Variants in PTDSS1 observed in about 807,000 individuals in gnomAD.
PTDSS1 encodes the protein phosphatidylserine synthase 1, also known as PSS-1.
A neutral mutation model predicts 70.5 loss-of-function variants in PTDSS1; 45 were observed. The ratio of observed to expected loss-of-function variants is 0.64; its 90% CI spans 0.50 to 0.82. PTDSS1 has a LOEUF of 0.82. PTDSS1 is among the 40% of genes least tolerant of loss of function. The pLI is 0.00. For synonymous variants in PTDSS1, 188 were observed against 203.8 expected, an observed-to-expected ratio of 0.92 and a Z score of 0.66; for missense variants, 417 against 586.1, an observed-to-expected ratio of 0.71 and a Z score of 2.98.
intron 2 of PTDSS1, among the ~76,000 whole-genome samples, chr8:96,276,980 G>GCGCACACACACA (rs1160844973): frequency 1.4e-5 from 2 of 145,906 alleles, no homozygotes; most frequent in Admixed American, 6.7e-5. Flanking sequence ...GCACGCGCGC[G>GCGCACACACACA]CACACACACA....
chr8:96,271,098 G>C (rs1391786349), intron 1 of PTDSS1, among the ~76,000 whole-genome samples: 1 of 152,144 alleles, frequency 6.6e-6, no homozygotes, highest in Middle Eastern at 3.2e-3. Context: ...TGAAGTCCAA[G>C]ATACATCAAA....
intron 10 of PTDSS1, among the ~76,000 whole-genome samples, chr8:96,326,068 G>C (rs7837387): frequency 0.39 from 59,383 of 152,000 alleles, 12,472 homozygotes; most frequent in East Asian, 0.6. Context: ...CATAGTGGGA[G>C]CATTCCATCA....
intron 9 of PTDSS1, among the ~76,000 whole-genome samples, chr8:96,316,651 A>C (rs893306500): frequency 6.6e-6 from 1 of 152,130 alleles, no homozygotes; most frequent in Non-Finnish European, 1.5e-5. Flanking sequence ...ATTCCTACAC[A>C]TGTACCCCCT....
intron 1 of PTDSS1, among the ~76,000 whole-genome samples, chr8:96,269,508 C>T (rs948257100): frequency 1.3e-5 from 2 of 152,136 alleles, no homozygotes; most frequent in East Asian, 1.9e-4. Flanking sequence ...TTGCTGTGAA[C>T]AAGCAACATG....
At chr8:96,271,245 A>G (rs997020980) in intron 1 of PTDSS1, among the ~76,000 whole-genome samples, 3 of 152,242 alleles carry the variant, frequency 2.0e-5, no homozygotes, top group Non-Finnish European at 4.4e-5. Flanking sequence ...ATTATAAGCT[A>G]CATACCCATA....
chr8:96,317,907 G>A (rs545440872), intron 9 of PTDSS1, among the ~76,000 whole-genome samples: 52 of 85,206 alleles, frequency 6.1e-4, no homozygotes, highest in African/African-American at 2.1e-3. Flanking sequence ...GTGTGTGTGT[G>A]TGTGTGTGTG....
At position 96,335,319 on chromosome 8, in the gene PTDSS1, T is replaced by C. The variant is rs544305193; in HGVS notation, c.*1753T>C. 6 of 152,354 alleles carry C rather than the reference T, an allele frequency of 3.9e-5. No homozygotes were observed. The East Asian group carries it at 7.7e-4, about 20-fold the overall frequency. 9.4% of individuals were successfully genotyped at this position (152,354 alleles called of 1,614,324 possible). A position where few individuals can be genotyped will look rare whatever the true frequency, so the allele number is the denominator to read the frequency against. On this transcript the variant is annotated 3_prime_UTR_variant, in exon 13 of 13. Transcript: ENST00000517309. ...TCTTTGCAAATAAATATGTTTTGTT[T>C]CATCCTGTGTTCTGCTTTTCTAAGC... is the stretch of plus-strand genomic sequence containing the variant.
chr8:96,290,033 A>G (rs1290104472), intron 4 of PTDSS1, among the ~76,000 whole-genome samples: 1 of 152,152 alleles, frequency 6.6e-6, no homozygotes, highest in Admixed American at 6.5e-5. Context: ...TTTATATTCT[A>G]CATAAGCCTC....
chr8:96,315,626 G>T (rs1456929829), intron 9 of PTDSS1, among the ~76,000 whole-genome samples: 1 of 152,124 alleles, frequency 6.6e-6, no homozygotes, highest in African/African-American at 2.4e-5. Context: ...CCACAAGTCG[G>T]GGGTGCTGGG....
chr8:96,316,618 TG>T (rs1364661086), intron 9 of PTDSS1, among the ~76,000 whole-genome samples: 1 of 152,148 alleles, frequency 6.6e-6, no homozygotes, highest in Non-Finnish European at 1.5e-5. Flanking sequence ...GCTCACTACC[TG>T]GGTCCAATAT....
At chr8:96,289,091 C>T (rs932157371) in intron 4 of PTDSS1, among the ~76,000 whole-genome samples, 5 of 151,862 alleles carry the variant, frequency 3.3e-5, no homozygotes, top group African/African-American at 4.8e-5. Context: ...CCTGCCACTA[C>T]GCCTGGCTAA....
At chr8:96,329,883 A>C (rs1223950413) in intron 10 of PTDSS1, among the ~76,000 whole-genome samples, 1 of 152,200 alleles carries the variant, frequency 6.6e-6, no homozygotes, top group Non-Finnish European at 1.5e-5. Context: ...CAGAACTAGA[A>C]CATAGAATCC....
Position 96,335,240 on chromosome 8 carries a change from A to G in PTDSS1, c.*1674A>G, listed in dbSNP as rs746866904. 9.2e-5 allele frequency: 14 copies of G among 152,360 alleles called. No individual in the cohort carries two copies. Among genetic ancestry groups the G allele is most frequent in the Admixed American group, 2.0e-4 (3 of 15,310 alleles). 9.4% of individuals were successfully genotyped at this position (152,360 alleles called of 1,614,324 possible). A position where few individuals can be genotyped will look rare whatever the true frequency, so the allele number is the denominator to read the frequency against. On this transcript the variant is annotated 3_prime_UTR_variant, in exon 13 of 13. Coordinates refer to ENST00000517309, the MANE Select transcript of PTDSS1 (RefSeq NM_014754.3). ...TTTCATAAAACCTGCCTGCACTTTT[A>G]TAACCCATCAAAGAGGCCATTTTTA...
chr8:96,333,418 GAGCC>G (rs778785999), intron 12 of PTDSS1, 35 bp from the exon 13 acceptor site: 2 of 1,564,160 alleles, frequency 1.3e-6, no homozygotes, highest in Non-Finnish European at 1.8e-6. Context: ...CCAATCTCCA[GAGCC>G]CAGGGTGACG....
At chr8:96,317,106 G>A (rs970571823) in intron 9 of PTDSS1, among the ~76,000 whole-genome samples, 1 of 151,338 alleles carries the variant, frequency 6.6e-6, no homozygotes, top group African/African-American at 2.4e-5. Flanking sequence ...GACAGAGAGA[G>A]AGAAGACTGT....
At chr8:96,283,911 T>C in intron 2 of PTDSS1, 198 bp from the exon 3 acceptor site, 1 of 525,304 alleles carries the variant, frequency 1.9e-6, no homozygotes. Context: ...GTGATGATTG[T>C]GGTGACAGTC....
At chr8:96,288,322 A>T (rs975309540) in intron 4 of PTDSS1, among the ~76,000 whole-genome samples, 3 of 152,038 alleles carry the variant, frequency 2.0e-5, no homozygotes, top group Non-Finnish European at 4.4e-5. Flanking sequence ...AGACTATCGC[A>T]TAGGCATGAT....
intron 9 of PTDSS1, among the ~76,000 whole-genome samples, chr8:96,319,951 C>T (rs982308515): frequency 6.6e-6 from 1 of 152,094 alleles, no homozygotes; most frequent in African/African-American, 2.4e-5. Context: ...GCGTGATCAC[C>T]CACCCTTATG....
intron 5 of PTDSS1, among the ~76,000 whole-genome samples, chr8:96,298,719 T>G (rs1228545661): frequency 2.0e-5 from 3 of 152,160 alleles, no homozygotes; most frequent in Non-Finnish European, 4.4e-5. Flanking sequence ...ACTCCATTTA[T>G]GTCACCATTG....
Sources: allele counts gnomAD v4.1 joint callset (sites outside exome capture counted in the v4.1 genomes callset), GRCh38; gene constraint gnomAD v4.1.1; transcripts MANE v1.5; gene names NCBI Gene and HGNC (gene_info 2026-07-23, HGNC 2026-07-21).